Variants in MPP4 observed in about 807,000 individuals in gnomAD.
The protein encoded by MPP4 is MAGUK p55 subfamily member 4.
MPP4 carries 91 observed loss-of-function variants against 98.3 expected under a neutral mutation model. That is an observed-to-expected ratio of 0.93 (90% CI 0.78 to 1.10). MPP4 has a LOEUF of 1.10. Among genes scored for constraint, MPP4 ranks in the 50% least tolerant of loss-of-function variants. The probability of loss-of-function intolerance (pLI) is 0.00; values close to 1 mark genes in which losing one functional copy is unlikely to be tolerated. For missense variants in MPP4, 744 were observed against 792.9 expected (o/e 0.94, Z 0.74); for synonymous variants, 261 against 271.8 (o/e 0.96, Z 0.39).
intron 13 of MPP4, 91 bp downstream of exon 13, chr2:201,666,243 T>G (rs1335464718): frequency 1.9e-6 from 2 of 1,065,490 alleles, no homozygotes; most frequent in Non-Finnish European, 2.7e-6. Context: ...GAAAGGCCCA[T>G]GGCCCCTTTG....
intron 14 of MPP4, among the ~76,000 whole-genome samples, chr2:201,662,830 T>C (rs1688064849): frequency 6.6e-6 from 1 of 151,928 alleles, no homozygotes; most frequent in Non-Finnish European, 1.5e-5. Context: ...TGGGAGAAAA[T>C]GAGGAAAAAT....
intron 11 of MPP4, among the ~76,000 whole-genome samples, chr2:201,674,686 C>A (rs1424824546): frequency 6.6e-6 from 1 of 152,156 alleles, no homozygotes; most frequent in Non-Finnish European, 1.5e-5. Context: ...CCCTAAAACT[C>A]AGCCGCCTTT....
intron 19 of MPP4, 94 bp from the exon 20 acceptor site, chr2:201,649,778 A>C: frequency 2.4e-6 from 2 of 821,956 alleles, no homozygotes; most frequent in Non-Finnish European, 4.0e-6. Context: ...GTTGAATATA[A>C]ATATGTGGAC....
chr2:201,659,661 C>T (rs753302045), intron 15 of MPP4, among the ~76,000 whole-genome samples: 16 of 152,022 alleles, frequency 1.1e-4, no homozygotes, highest in South Asian at 4.1e-4. Context: ...GGTGAAACCC[C>T]GCCTTTACTA....
chr2:201,670,586 A>T (rs1016468443), intron 11 of MPP4, among the ~76,000 whole-genome samples: 1 of 152,212 alleles, frequency 6.6e-6, no homozygotes, highest in Non-Finnish European at 1.5e-5. Flanking sequence ...GAAAACCAGA[A>T]GTTATACTAC....
chr2:201,662,611 G>T (rs143416492), intron 14 of MPP4, among the ~76,000 whole-genome samples: 121 of 150,802 alleles, frequency 8.0e-4, no homozygotes, highest in African/African-American at 2.7e-3. Flanking sequence ...TACTTATAAC[G>T]AAGCATGGAT....
At chr2:201,677,909 C>T (rs1688555917) in intron 10 of MPP4, among the ~76,000 whole-genome samples, 1 of 152,178 alleles carries the variant, frequency 6.6e-6, no homozygotes, top group South Asian at 2.1e-4. Context: ...GGGCAGGCCT[C>T]TTGCCCAGAT....
chr2:201,646,716 G>C (rs907885467), intron 21 of MPP4: 1 of 152,214 alleles, frequency 6.6e-6, no homozygotes, highest in African/African-American at 2.4e-5. Context: ...AAAGATACCT[G>C]TGCTTGCTTT....
At chr2:201,665,655 T>C (rs1662987582) in intron 13 of MPP4, 1 of 152,144 alleles carries the variant, frequency 6.6e-6, no homozygotes, top group South Asian at 2.1e-4. Flanking sequence ...CTCTGGAAAA[T>C]ATATGTGAAT....
At chr2:201,670,722 G>C (rs1442222537) in intron 11 of MPP4, among the ~76,000 whole-genome samples, 4 of 152,156 alleles carry the variant, frequency 2.6e-5, no homozygotes, top group African/African-American at 4.8e-5. Context: ...TCACTACAAA[G>C]ATTGTGTCAT....
At chr2:201,693,510 G>T (rs1248797285) in intron 2 of MPP4, among the ~76,000 whole-genome samples, 1 of 152,112 alleles carries the variant, frequency 6.6e-6, no homozygotes, top group Admixed American at 6.5e-5. Context: ...TTAATGCAAA[G>T]CTCAGTATTC....
chr2:201,685,830 G>A lies in MPP4; in HGVS notation c.492+89C>T, dbSNP rs570607683. 2.7e-6 allele frequency: 4 copies of A among 1,497,926 alleles called. No individual in the cohort carries two copies. The Admixed American group carries it at 5.3e-5, about 20-fold the overall frequency. 92.8% of individuals were successfully genotyped at this position (1,497,926 alleles called of 1,614,324 possible). On this transcript the variant is annotated intron_variant, in intron 6 of 21. Coordinates refer to ENST00000409474, the MANE Select transcript of MPP4 (RefSeq NM_033066.3). ...CACTGTATATGTGATCGCAGGCAAG[G>A]CTACTGCCCAAGTAACCACTAGATA...
intron 18 of MPP4, chr2:201,651,058 T>C (rs1687700097): frequency 1.0e-5 from 10 of 985,424 alleles, no homozygotes; most frequent in Non-Finnish European, 1.2e-5. Context: ...GTTTCAACTC[T>C]GCATCCTATA....
intron 10 of MPP4, chr2:201,680,621 C>T (rs1688638492): frequency 2.0e-6 from 1 of 503,224 alleles, no homozygotes; most frequent in Non-Finnish European, 3.5e-6. Context: ...CAAGACTTTT[C>T]CCTGTTTTCT....
intron 10 of MPP4, among the ~76,000 whole-genome samples, chr2:201,678,164 G>C (rs915208539): frequency 6.6e-6 from 1 of 151,220 alleles, no homozygotes; most frequent in Non-Finnish European, 1.5e-5. Context: ...CTTTGTTTGT[G>C]TGCCCCCCCA....
rs566399665 is a variant in MPP4, at chr2:201,646,128, C to A, written c.1720-724G>T. On this transcript the variant is annotated intron_variant, in intron 21 of 21. Coordinates refer to ENST00000409474, the MANE Select transcript of MPP4 (RefSeq NM_033066.3). The stretch of plus-strand genomic sequence containing the variant: ...TTAGTCATAGTTTGCAGACAGATTA[C>A]TCCCCTCAACTTCCCGTGTGAACTT... 4.6e-5 allele frequency among the ~76,000 whole-genome samples: 7 copies of A among 152,238 alleles called. No individual in the cohort carries two copies. In the South Asian group the frequency reaches 1.5e-3, roughly 32 times the overall value.
intron 11 of MPP4, among the ~76,000 whole-genome samples, 180 bp from the exon 12 acceptor site, chr2:201,669,930 T>C (rs1688293443): frequency 1.3e-5 from 2 of 152,234 alleles, no homozygotes; most frequent in South Asian, 4.1e-4. Flanking sequence ...AATGAATACT[T>C]TATAAAACTG....
intron 3 of MPP4, 97 bp downstream of exon 3, chr2:201,692,811 T>C (rs1689075348): frequency 6.7e-7 from 1 of 1,488,422 alleles, no homozygotes; most frequent in Non-Finnish European, 9.0e-7. Context: ...TATAAACTAT[T>C]CCACTATCCA....
In MPP4 at chr2:201,656,209, A is replaced by G. The variant is rs760332476; in HGVS notation, c.1289T>C (p.Ile430Thr). The change falls in exon 17 of 22, where the codon ATA (isoleucine) becomes ACA (threonine). Residue 430 changes from isoleucine to threonine, a missense_variant. Physicochemically the swap from Ile to Thr is moderately conservative, Grantham distance 89 (BLOSUM62 -1). Transcript: ENST00000409474. ...QRRPSDKYRL[I>T]VLMGPSGVGV... ...ATGCTGGGACATACCCATGAGCACT[A>G]TGAGGCGGTACTTGTCTGAAGGGCG... 6.2e-7 allele frequency: 1 copy of G among 1,604,494 alleles called. No individual in the cohort carries two copies. The highest frequency in any genetic ancestry group is 8.5e-7 in the Non-Finnish European group (1 of 1,175,492).
Sources: gnomAD v4.1 joint callset for allele counts (sites outside exome capture counted in the v4.1 genomes callset) on GRCh38, gnomAD v4.1.1 for gene constraint, MANE v1.5 for transcripts, NCBI Gene and HGNC (gene_info 2026-07-23, HGNC 2026-07-21) for gene names.